CTNNA2: variants seen among roughly 807,000 people sequenced by gnomAD.
CTNNA2 encodes catenin alpha 2.
In CTNNA2, 42 loss-of-function variants were observed where a neutral mutation model predicts 101.0. The observed-to-expected ratio is 0.42, with a 90% confidence interval of 0.32 to 0.54. CTNNA2 has a LOEUF of 0.54. Ranked by LOEUF, CTNNA2 falls within the 20% of genes least tolerant of loss-of-function variation. The probability of loss-of-function intolerance (pLI) is 0.14; values close to 1 mark genes in which losing one functional copy is unlikely to be tolerated. For synonymous variants in CTNNA2, 450 were observed against 456.4 expected, an observed-to-expected ratio of 0.99 and a Z score of 0.18; for missense variants, 871 against 1,223.1, an observed-to-expected ratio of 0.71 and a Z score of 4.29.
chr2:80,539,346 C>T (rs966265591), intron 9 of CTNNA2, among the ~76,000 whole-genome samples: 19 of 133,718 alleles, frequency 1.4e-4, no homozygotes, highest in Non-Finnish European at 2.4e-4. Flanking sequence ...GTTGTTCTTT[C>T]TAGTTCTGCT....
chr2:80,365,123 A>C (rs1325096207), intron 7 of CTNNA2, among the ~76,000 whole-genome samples: 1 of 152,074 alleles, frequency 6.6e-6, no homozygotes. Context: ...AATGGCATCT[A>C]TTTGGGGTTG....
intron 3 of CTNNA2, among the ~76,000 whole-genome samples, chr2:79,852,421 A>G (rs1003950112): frequency 6.6e-6 from 1 of 152,178 alleles, no homozygotes; most frequent in African/African-American, 2.4e-5. Context: ...TCATGTCTTA[A>G]TCTGCTCTTA....
At chr2:79,836,238 T>C (rs1679355949) in intron 3 of CTNNA2, among the ~76,000 whole-genome samples, 1 of 152,174 alleles carries the variant, frequency 6.6e-6, no homozygotes, top group Admixed American at 6.5e-5. Flanking sequence ...TAACCTTGAC[T>C]ATGTTTAGTT....
intron 7 of CTNNA2, among the ~76,000 whole-genome samples, chr2:80,231,988 C>G (rs1426473019): frequency 6.6e-6 from 1 of 152,152 alleles, no homozygotes; most frequent in Non-Finnish European, 1.5e-5. Context: ...TCCACAACCC[C>G]TTATCTTAAG....
At chr2:80,504,933 A>G (rs1012345147) in intron 9 of CTNNA2, among the ~76,000 whole-genome samples, 1 of 152,182 alleles carries the variant, frequency 6.6e-6, no homozygotes, top group Admixed American at 6.5e-5. Context: ...GAAGCAGCTC[A>G]GAACTTCTTT....
At chr2:79,588,620 A>AT (rs1160773108) in intron 1 of CTNNA2, among the ~76,000 whole-genome samples, 14 of 152,132 alleles carry the variant, frequency 9.2e-5, no homozygotes, top group Middle Eastern at 3.4e-3. Context: ...AAGTATATGG[A>AT]TTTTTTTTGA....
intron 7 of CTNNA2, among the ~76,000 whole-genome samples, chr2:79,917,156 C>G (rs904975081): frequency 1.6e-4 from 25 of 151,906 alleles, no homozygotes; most frequent in Non-Finnish European, 2.8e-4. Flanking sequence ...ACTGCAACTT[C>G]AGCCTCCCAG....
chr2:79,832,682 C>T (rs1014754310), intron 3 of CTNNA2, among the ~76,000 whole-genome samples: 1 of 152,152 alleles, frequency 6.6e-6, no homozygotes, highest in Non-Finnish European at 1.5e-5. Context: ...CAAACAAAAG[C>T]AGGCCTGTTT....
intron 7 of CTNNA2, among the ~76,000 whole-genome samples, chr2:80,063,908 C>T (rs560986048): frequency 6.6e-6 from 1 of 152,162 alleles, no homozygotes; most frequent in Non-Finnish European, 1.5e-5. Context: ...TTTCTGATGG[C>T]CCCCTGGGGA....
intron 6 of CTNNA2, among the ~76,000 whole-genome samples, chr2:79,889,733 A>G (rs908033998): frequency 1.3e-5 from 2 of 152,222 alleles, no homozygotes; most frequent in African/African-American, 4.8e-5. Flanking sequence ...TTGGCCAGAC[A>G]TCTTTCATCC....
chr2:79,299,369 A>G (rs971312136), intron 2 of CTNNA2, among the ~76,000 whole-genome samples: 1 of 152,186 alleles, frequency 6.6e-6, no homozygotes, highest in Non-Finnish European at 1.5e-5. Flanking sequence ...CCAGCGTCAT[A>G]GGCTACAAGA....
intron 2 of CTNNA2, among the ~76,000 whole-genome samples, chr2:79,652,511 C>T (rs73938763): frequency 0.051 from 7,762 of 152,078 alleles, 552 homozygotes; most frequent in African/African-American, 0.16. Context: ...CTTCAAATTT[C>T]TCTTGCACTC....
intron 2 of CTNNA2, among the ~76,000 whole-genome samples, chr2:79,279,225 C>T (rs190582357): frequency 7.9e-5 from 12 of 152,146 alleles, no homozygotes; most frequent in Middle Eastern, 3.4e-3. Flanking sequence ...ATTATGTAGC[C>T]TGCTGAAGAG....
In CTNNA2 at chr2:79,503,998, A is replaced by T. The variant is rs1249637486; in HGVS notation, c.-134-1056A>T. Among the ~76,000 whole-genome samples the T allele has an allele frequency of 7.2e-5, 11 of 152,286 alleles. No homozygotes were observed. The East Asian group carries it at 2.1e-3, about 29-fold the overall frequency. ...GTTTCCTGAAGCGCTCTAAAGTTCA[A>T]TGGGAATAATTGTTAGAAGCTTAGA... On this transcript the variant is annotated intron_variant, in intron 4 of 21. Transcript: ENST00000466387.
chr2:80,460,325 C>T (rs1397235086), intron 9 of CTNNA2, among the ~76,000 whole-genome samples: 6 of 152,002 alleles, frequency 3.9e-5, no homozygotes, highest in Non-Finnish European at 8.8e-5. Context: ...AGAATTATAG[C>T]ACATATTAAG....
At chr2:79,931,147 A>G (rs977795342) in intron 7 of CTNNA2, among the ~76,000 whole-genome samples, 2 of 152,212 alleles carry the variant, frequency 1.3e-5, no homozygotes, top group Non-Finnish European at 2.9e-5. Flanking sequence ...ATGCATTAAT[A>G]TCCTGCACAA....
intron 7 of CTNNA2, among the ~76,000 whole-genome samples, chr2:79,985,236 A>T (rs866533996): frequency 1.0e-3 from 159 of 152,226 alleles, no homozygotes; most frequent in Middle Eastern, 0.01. Context: ...ACAGTGCTGC[A>T]CACTCCATGC....
chr2:80,071,191 G>A (rs1337031049), intron 7 of CTNNA2, among the ~76,000 whole-genome samples: 1 of 152,130 alleles, frequency 6.6e-6, no homozygotes, highest in African/African-American at 2.4e-5. Context: ...CATTGGTGCT[G>A]TATTCTAGTT....
intron 4 of CTNNA2, among the ~76,000 whole-genome samples, chr2:79,464,454 G>A (rs1670912394): frequency 6.6e-6 from 1 of 152,212 alleles, no homozygotes; most frequent in Non-Finnish European, 1.5e-5. Context: ...ACGTGGGCAT[G>A]TATCTTTATA....
Sources: gnomAD v4.1 joint callset for allele counts (sites outside exome capture counted in the v4.1 genomes callset) on GRCh38, gnomAD v4.1.1 for gene constraint, MANE v1.5 for transcripts, NCBI Gene and HGNC (gene_info 2026-07-23, HGNC 2026-07-21) for gene names.